The following DYDC2 variants were observed in gnomAD, a reference collection of about 807,000 sequenced individuals.
DYDC2 encodes DPY30 domain-containing protein 2.
Under a neutral mutation model 18.7 loss-of-function variants are expected in DYDC2, and 19 were observed. The observed-to-expected ratio is 1.02, with a 90% CI of 0.71 to 1.49. The LOEUF (loss-of-function observed/expected upper bound fraction) is 1.49, where lower values mean the gene tolerates loss of function less well. DYDC2 is among the 40% of genes most tolerant of loss of function. DYDC2 has a pLI of 0.00. For missense variants in DYDC2, 179 were observed against 205.1 expected, an observed-to-expected ratio of 0.87 and a Z score of 0.78; for synonymous variants, 63 against 67.6, an observed-to-expected ratio of 0.93 and a Z score of 0.34.
rs149466114 is a variant in DYDC2, at chr10:80,358,522, C to A, written c.-10+477C>A. ...CCTTCAGATCATTGTTGAAAATGGG[C>A]AATTTAGAGTAGGGGGAGGTATGCC... On this transcript the variant is annotated intron_variant, in intron 2 of 4. Transcript: ENST00000256039. 5.8e-4 allele frequency among the ~76,000 whole-genome samples: 89 copies of A among 152,212 alleles called. 2 individuals are homozygous for A. The highest frequency in any genetic ancestry group is 2.1e-3 in the African/African-American group (88 of 41,520).
At chr10:80,356,308 T>C (rs1007082275), upstream of DYDC2, 19 of 985,572 alleles carry the variant, frequency 1.9e-5, no homozygotes, top group Non-Finnish European at 2.3e-5. Flanking sequence ...AACAGCTGCC[T>C]CCAGCGTGAA....
At chr10:80,365,406 T>C (rs1843796787) in intron 4 of DYDC2, among the ~76,000 whole-genome samples, 1 of 152,254 alleles carries the variant, frequency 6.6e-6, no homozygotes, top group Admixed American at 6.5e-5. Flanking sequence ...TAAACCATAA[T>C]TTTGTTTCTG....
chr10:80,360,397 C>G (rs1188888702), intron 2 of DYDC2, among the ~76,000 whole-genome samples: 1 of 152,188 alleles, frequency 6.6e-6, no homozygotes. Context: ...TTGGCTCTGT[C>G]ATCACCTTCC....
chr10:80,351,576 CT>C (rs1300635444), intron 1 of DYDC2, among the ~76,000 whole-genome samples: 8 of 152,046 alleles, frequency 5.3e-5, no homozygotes, highest in Non-Finnish European at 1.2e-4. Context: ...TGGTTGACCA[CT>C]CAGATCTCAC....
chr10:80,353,839 ATATC>A (rs1843165816), upstream of DYDC2, among the ~76,000 whole-genome samples: 1 of 152,072 alleles, frequency 6.6e-6, no homozygotes, highest in Non-Finnish European at 1.5e-5. Context: ...AATAATGATA[ATATC>A]TCTTTTCTGA....
intron 4 of DYDC2, 74 bp downstream of exon 4, chr10:80,363,147 C>T (rs1390968539): frequency 6.6e-7 from 1 of 1,518,656 alleles, no homozygotes. Context: ...ACAAGTCAGC[C>T]CAGTCCCAAT....
chr10:80,356,228 T>G (rs1843360196), upstream of DYDC2: 1 of 983,156 alleles, frequency 1.0e-6, no homozygotes, highest in South Asian at 4.7e-5. Flanking sequence ...TCTCCTGTGG[T>G]AAGCAATGTT....
chr10:80,365,118 A>G (rs1843786858), intron 4 of DYDC2, among the ~76,000 whole-genome samples: 2 of 152,248 alleles, frequency 1.3e-5, no homozygotes. Context: ...TGATATGCAT[A>G]TACTCAAAGC....
chr10:80,348,769 G>A (rs1403204417), intron 1 of DYDC2, among the ~76,000 whole-genome samples: 2 of 152,268 alleles, frequency 1.3e-5, no homozygotes, highest in African/African-American at 4.8e-5. Context: ...ACCTTCTAAG[G>A]AATGAATATG....
In DYDC2 at chr10:80,362,545, T is replaced by C. The variant is rs752630053; in HGVS notation, c.102T>C (p.Ala34=). ...CCAGTGACCCAATAGAATACCTGGC[T>C]CACTGGCTTTATCATTACAGGAAAA... ...VRPSDPIEYL[A]HWLYHYRKTA... Residue 34 remains alanine, a synonymous_variant, in exon 3 of 5, where the codon GCT becomes GCC. Coordinates refer to ENST00000256039, the MANE Select transcript of DYDC2 (RefSeq NM_032372.6). The C allele has an allele frequency of 3.1e-6, 5 of 1,613,754 alleles. No homozygotes were observed. In the Admixed American group the frequency reaches 8.3e-5, roughly 27 times the overall value.
At chr10:80,364,762 T>C (rs1250246982) in intron 4 of DYDC2, among the ~76,000 whole-genome samples, 2 of 152,196 alleles carry the variant, frequency 1.3e-5, no homozygotes, top group African/African-American at 2.4e-5. Flanking sequence ...GTTATGATTA[T>C]GGAAATTGAT....
At chr10:80,362,192 A>G (rs1262374926) in intron 2 of DYDC2, among the ~76,000 whole-genome samples, 3 of 152,242 alleles carry the variant, frequency 2.0e-5, no homozygotes, top group African/African-American at 7.2e-5. Flanking sequence ...TTTTGGAATT[A>G]AAATGTGTCA....
At chr10:80,352,485 C>T (rs1589520720), upstream of DYDC2, 2 of 1,610,800 alleles carry the variant, frequency 1.2e-6, no homozygotes, top group Non-Finnish European at 8.5e-7. Context: ...TTTCCTTATA[C>T]TTGTAAATCC....
chr10:80,352,430 T>A, upstream of DYDC2: 3 of 1,538,210 alleles, frequency 2.0e-6, no homozygotes, highest in Non-Finnish European at 2.6e-6. Flanking sequence ...TTCTTCTAAT[T>A]TCCTAGAAGG....
chr10:80,354,617 T>C (rs1053228217), upstream of DYDC2: 2 of 152,096 alleles, frequency 1.3e-5, no homozygotes, highest in East Asian at 1.9e-4. Context: ...TAACTCCCAA[T>C]GTGATGGTAT....
chr10:80,357,270 G>A (rs1294948548), intron 1 of DYDC2, among the ~76,000 whole-genome samples: 2 of 151,694 alleles, frequency 1.3e-5, no homozygotes, highest in African/African-American at 4.8e-5. Context: ...TAGGATCGGG[G>A]CGGGAGGCAG....
intron 2 of DYDC2, among the ~76,000 whole-genome samples, chr10:80,361,940 G>A (rs1357600326): frequency 6.6e-6 from 1 of 152,176 alleles, no homozygotes; most frequent in Non-Finnish European, 1.5e-5. Flanking sequence ...TACAAGCAAG[G>A]TTTATATGCT....
At chr10:80,357,034 C>G (rs1347236225) in intron 1 of DYDC2, among the ~76,000 whole-genome samples, 1 of 105,422 alleles carries the variant, frequency 9.5e-6, no homozygotes, top group Non-Finnish European at 1.9e-5. Flanking sequence ...GCGGGGCGCC[C>G]GGCAGAGAGA....
At chr10:80,351,302 A>T (rs536037805) in intron 1 of DYDC2, among the ~76,000 whole-genome samples, 4 of 152,046 alleles carry the variant, frequency 2.6e-5, no homozygotes, top group Admixed American at 1.3e-4. Context: ...ATCCAGGCCC[A>T]TTTCCTCTCA....
Sources: allele counts gnomAD v4.1 joint callset (sites outside exome capture counted in the v4.1 genomes callset), GRCh38; gene constraint gnomAD v4.1.1; transcripts MANE v1.5; gene names NCBI Gene and HGNC (gene_info 2026-07-23, HGNC 2026-07-21).